ITPRIP: variants seen among roughly 807,000 people sequenced by gnomAD.
ITPRIP encodes inositol 1,4,5-trisphosphate receptor-interacting protein.
Under a neutral mutation model 35.8 loss-of-function variants are expected in ITPRIP, and 32 were observed. That is an observed-to-expected ratio of 0.89 (90% CI 0.68 to 1.20). ITPRIP has a LOEUF of 1.20. Among genes scored for constraint, ITPRIP ranks in the 50% most tolerant of loss-of-function variants. The pLI is 0.00. For synonymous variants in ITPRIP, 358 were observed against 324.0 expected, an observed-to-expected ratio of 1.11 and a Z score of -1.13; for missense variants, 653 against 735.6, an observed-to-expected ratio of 0.89 and a Z score of 1.30.
chr10:104,315,571 G>C lies in ITPRIP; in HGVS notation c.481C>G (p.Arg161Gly), dbSNP rs766651663. Reference protein sequence around the residue: ...RGATADAARTREFLEGFVDDL... With the variant: ...RGATADAARTGEFLEGFVDDL... ...TCCACGAAGCCTTCCAGGAACTCCC[G>C]GGTACGGGCTGCATCGGCCGTGGCC... is the stretch of plus-strand genomic sequence containing the variant. Residue 161 changes from arginine (R) to glycine (G), a missense_variant, in exon 2 of 2, where the codon CGG becomes GGG. Coordinates refer to ENST00000337478, the MANE Select transcript of ITPRIP (RefSeq NM_001272013.2). The surrounding 1 kb of genome is among the most constrained non-coding windows in gnomAD (Gnocchi z 5.7). 2.5e-6 allele frequency: 4 copies of C among 1,614,020 alleles called. No individual in the cohort carries two copies. The highest frequency in any genetic ancestry group is 3.4e-6 in the Non-Finnish European group (4 of 1,180,020).
chr10:104,329,313 G>A (rs1443959018), intron 1 of ITPRIP, among the ~76,000 whole-genome samples: 1 of 152,112 alleles, frequency 6.6e-6, no homozygotes, highest in African/African-American at 2.4e-5. Context: ...CTGGAGAGCA[G>A]AGGGCCCACA....
chr10:104,315,976 C>T lies in ITPRIP; in HGVS notation c.76G>A (p.Glu26Lys). 1.2e-6 allele frequency: 2 copies of T among 1,613,226 alleles called. No individual in the cohort carries two copies. Among genetic ancestry groups the T allele is most frequent in the Non-Finnish European group, 1.7e-6 (2 of 1,179,774 alleles). ...IINHPLLFPRENATVPENEEE... is the reference protein window; with the variant it reads ...IINHPLLFPRKNATVPENEEE... ...TCGTTCTCGGGGACTGTGGCGTTCT[C>T]CCGCGGGAACAGCAGCGGGTGGTTG... Residue 26 changes from glutamate (E) to lysine (K), a missense_variant, in exon 2 of 2, where the codon GAG becomes AAG. Transcript: ENST00000337478. The surrounding 1 kb of genome is among the most constrained non-coding windows in gnomAD (Gnocchi z 5.7).
At chr10:104,327,803 C>T (rs1429520213) in intron 1 of ITPRIP, among the ~76,000 whole-genome samples, 12 of 152,224 alleles carry the variant, frequency 7.9e-5, no homozygotes, top group African/African-American at 2.9e-4. Flanking sequence ...GGCCATCAGC[C>T]TCATGTCCCT....
In ITPRIP at chr10:104,312,769, T is replaced by G. The variant is rs276209; in HGVS notation, c.*1639A>C. The G allele has an allele frequency of 5.0e-4, 494 of 984,986 alleles. 4 individuals are homozygous for G. Among genetic ancestry groups the G allele is most frequent in the East Asian group, 3.4e-4 (3 of 8,776 alleles). 61.0% of individuals were successfully genotyped at this position (984,986 alleles called of 1,614,324 possible). On this transcript the variant is annotated 3_prime_UTR_variant, in exon 2 of 2. Transcript: ENST00000337478. ...GGCTGGTTGAGAGCACTCCTGGGGA[T>G]GGGGGAAGGATCTCCTTCCTTCAGT...
At chr10:104,327,297 C>T (rs974162913) in intron 1 of ITPRIP, among the ~76,000 whole-genome samples, 5 of 152,100 alleles carry the variant, frequency 3.3e-5, no homozygotes, top group Non-Finnish European at 4.4e-5. Flanking sequence ...CAACCCTGCA[C>T]GTCTCCCCTC....
chr10:104,334,114 A>C (rs2014199121), intron 1 of ITPRIP, among the ~76,000 whole-genome samples: 2 of 152,208 alleles, frequency 1.3e-5, no homozygotes, highest in African/African-American at 4.8e-5. Context: ...GCCCCACTTC[A>C]AAGCCCGTGC....
At chr10:104,337,474 C>G (rs1236648263) in intron 1 of ITPRIP, among the ~76,000 whole-genome samples, 2 of 152,136 alleles carry the variant, frequency 1.3e-5, no homozygotes, top group African/African-American at 4.8e-5. Flanking sequence ...ATTTTACCTT[C>G]CTGGTCGGTG....
intron 1 of ITPRIP, among the ~76,000 whole-genome samples, chr10:104,330,837 A>G (rs1262718481): frequency 6.6e-6 from 1 of 152,234 alleles, no homozygotes; most frequent in Admixed American, 6.5e-5. Flanking sequence ...CCAACATCAT[A>G]GAGCCAGGAT....
rs907428910 is a variant in ITPRIP at position 104,311,778 on chromosome 10, C to T, written c.*2630G>A. On this transcript the variant is annotated 3_prime_UTR_variant, in exon 2 of 2. Coordinates refer to ENST00000337478, the MANE Select transcript of ITPRIP (RefSeq NM_001272013.2). ...AAAGGCCAAAGTCCCCTAGAGGACTCAAAATCCTCTATTTAAAATACAATC... is the reference window on the plus strand; with the variant it reads ...AAAGGCCAAAGTCCCCTAGAGGACTTAAAATCCTCTATTTAAAATACAATC... 11 of 152,188 alleles carry T rather than the reference C, an allele frequency of 7.2e-5. No individual in the cohort carries two copies. The highest frequency in any genetic ancestry group is 2.7e-4 in the African/African-American group (11 of 41,454). The allele number at this position is 152,188 out of a possible 1,614,324, so 9.4% of individuals were successfully genotyped here.
rs1373086362 is a variant in ITPRIP at position 104,312,682 on chromosome 10, C to T, written c.*1726G>A. On this transcript the variant is annotated 3_prime_UTR_variant, in exon 2 of 2. Coordinates refer to ENST00000337478, the MANE Select transcript of ITPRIP (RefSeq NM_001272013.2). The stretch of plus-strand genomic sequence containing the variant: ...TAGGTTTGGTTGCCCTGATCACAGC[C>T]GAGCTGCCCCACCAGGAATTAACCC... 6.1e-6 allele frequency: 6 copies of T among 985,222 alleles called. No individual in the cohort carries two copies. The East Asian group carries it at 5.7e-4, about 93-fold the overall frequency. 61.0% of individuals were successfully genotyped at this position (985,222 alleles called of 1,614,324 possible).
At chr10:104,329,941 A>G (rs757239494) in intron 1 of ITPRIP, among the ~76,000 whole-genome samples, 1 of 152,196 alleles carries the variant, frequency 6.6e-6, no homozygotes, top group Non-Finnish European at 1.5e-5. Flanking sequence ...GGTGAACAAC[A>G]TCCCTGCAGC....
rs2013495764 is a variant in ITPRIP, at chr10:104,311,805, C to T, written c.*2603G>A. 6.6e-6 allele frequency: 1 copy of T among 152,174 alleles called. No homozygotes were observed. The highest frequency in any genetic ancestry group is 2.4e-5 in the African/African-American group (1 of 41,442). The allele number at this position is 152,174 out of a possible 1,614,324, so 9.4% of individuals were successfully genotyped here. On this transcript the variant is annotated 3_prime_UTR_variant, in exon 2 of 2. Transcript: ENST00000337478. ...AAATCCTCTATTTAAAATACAATCT[C>T]TTTCTTTAAAACCCAAAAGCTTCCT...
Position 104,314,267 on chromosome 10 carries a change from G to C in ITPRIP, c.*141C>G, listed in dbSNP as rs932571933. ...AATTCTGTTTCCTCTGCACTGTAGGGCTTGGCTTCCTGGCAGGCTGAGCAC... is the reference window on the plus strand; with the variant it reads ...AATTCTGTTTCCTCTGCACTGTAGGCCTTGGCTTCCTGGCAGGCTGAGCAC... On this transcript the variant is annotated 3_prime_UTR_variant, in exon 2 of 2. Coordinates refer to ENST00000337478, the MANE Select transcript of ITPRIP (RefSeq NM_001272013.2). The C allele has an allele frequency of 1.3e-6, 2 of 1,492,772 alleles. No individual in the cohort carries two copies. The highest frequency in any genetic ancestry group is 2.8e-5 in the African/African-American group (2 of 71,170). The allele number at this position is 1,492,772 out of a possible 1,614,324, so 92.5% of individuals were successfully genotyped here. A position where few individuals can be genotyped will look rare whatever the true frequency, so the allele number is the denominator to read the frequency against.
At chr10:104,327,556 C>A (rs994231824) in intron 1 of ITPRIP, among the ~76,000 whole-genome samples, 1 of 152,186 alleles carries the variant, frequency 6.6e-6, no homozygotes, top group African/African-American at 2.4e-5. Flanking sequence ...TCAGACTCCA[C>A]CTCCAAGGAG....
chr10:104,315,318 A>G lies in ITPRIP; in HGVS notation c.734T>C (p.Val245Ala), dbSNP rs748557295. The G allele has an allele frequency of 6.4e-7, 1 of 1,573,372 alleles. No homozygotes were observed. The highest frequency in any genetic ancestry group is 2.2e-5 in the East Asian group (1 of 44,446). Residue 245 changes from valine to alanine, a missense_variant, in exon 2 of 2, where the codon GTG becomes GCG. By Grantham distance (64) the Val-to-Ala change is moderately conservative. Coordinates refer to ENST00000337478, the MANE Select transcript of ITPRIP (RefSeq NM_001272013.2). The surrounding 1 kb of genome is among the most constrained non-coding windows in gnomAD (Gnocchi z 5.7). Reference protein sequence around the residue: ...LDRQGYGQIKVVRADGDTLSC... With the variant: ...LDRQGYGQIKAVRADGDTLSC... ...CAATGTGTCCCCATCGGCGCGGACC[A>G]CCTTGATCTGGCCGTAGCCCTGGCG...
At chr10:104,334,788 C>T (rs1359952933) in intron 1 of ITPRIP, among the ~76,000 whole-genome samples, 1 of 152,236 alleles carries the variant, frequency 6.6e-6, no homozygotes, top group Non-Finnish European at 1.5e-5. Flanking sequence ...GCTGCTCCTG[C>T]CTGGTTCTGA....
chr10:104,312,068 C>CT lies in ITPRIP; in HGVS notation c.*2339dup, dbSNP rs2013501437. On this transcript the variant is annotated 3_prime_UTR_variant, in exon 2 of 2. Transcript: ENST00000337478. ...CTTTGTCAATAGGAAATCCACCCCCCTGTCCCCAACTCTGCCCTGGGAGCC... is the reference window on the plus strand; with the variant it reads ...CTTTGTCAATAGGAAATCCACCCCCCTTGTCCCCAACTCTGCCCTGGGAGCC... 6.6e-6 allele frequency: 1 copy of CT among 152,208 alleles called. No homozygotes were observed. Among genetic ancestry groups the CT allele is most frequent in the African/African-American group, 2.4e-5 (1 of 41,464 alleles). 9.4% of individuals were successfully genotyped at this position (152,208 alleles called of 1,614,324 possible). A position where few individuals can be genotyped will look rare whatever the true frequency, so the allele number is the denominator to read the frequency against.
At chr10:104,334,449 G>T (rs1467121105) in intron 1 of ITPRIP, among the ~76,000 whole-genome samples, 1 of 152,166 alleles carries the variant, frequency 6.6e-6, no homozygotes, top group Non-Finnish European at 1.5e-5. Context: ...TACTCTCATG[G>T]CCTGGCCCTA....
In ITPRIP at chr10:104,313,593, A is replaced by C. The variant is rs1028388503; in HGVS notation, c.*815T>G. ...GTCAGAAAGACCAGCTTTGGAGAGA[A>C]TAAAGAGAGGTGGGGGGCTGCTGAG... On this transcript the variant is annotated 3_prime_UTR_variant, in exon 2 of 2. Coordinates refer to ENST00000337478, the MANE Select transcript of ITPRIP (RefSeq NM_001272013.2). 5 of 985,336 alleles carry C rather than the reference A, an allele frequency of 5.1e-6. No individual in the cohort carries two copies. The African/African-American group carries it at 7.0e-5, about 14-fold the overall frequency. The allele number at this position is 985,336 out of a possible 1,614,324, so 61.0% of individuals were successfully genotyped here. A position where few individuals can be genotyped will look rare whatever the true frequency, so the allele number is the denominator to read the frequency against.
Sources: gnomAD v4.1 joint callset for allele counts (sites outside exome capture counted in the v4.1 genomes callset) on GRCh38, gnomAD v4.1.1 for gene constraint, Gnocchi (gnomAD v3.1) non-coding constraint, MANE v1.5 for transcripts, NCBI Gene and HGNC (gene_info 2026-07-23, HGNC 2026-07-21) for gene names.